Variants in CDCA7L observed in about 807,000 individuals in gnomAD.
CDCA7L encodes cell division cycle associated 7 like.
A neutral mutation model predicts 57.4 loss-of-function variants in CDCA7L; 44 were observed. The observed-to-expected ratio is 0.77, with a 90% CI of 0.60 to 0.98. CDCA7L has a LOEUF of 0.98. Ranked by LOEUF, CDCA7L falls within the 50% of genes least tolerant of loss-of-function variation. The pLI is 0.00. For synonymous variants in CDCA7L, 236 were observed against 202.8 expected, an observed-to-expected ratio of 1.16 and a Z score of -1.39; for missense variants, 644 against 580.6, an observed-to-expected ratio of 1.11 and a Z score of -1.12.
rs148205645 is a variant in CDCA7L at position 21,908,346 on chromosome 7, G to T, written c.465C>A (p.Asn155Lys). 6.2e-6 allele frequency: 10 copies of T among 1,608,896 alleles called. No individual in the cohort carries two copies. Among genetic ancestry groups the T allele is most frequent in the African/African-American group, 5.4e-5 (4 of 74,108 alleles). The stretch of plus-strand genomic sequence containing the variant: ...CGGAAGAACTGTTTTTATCTGGTTT[G>T]TTGGCCAGCTTCTTGGTGGGGAACT... ...AFQFPTKKLA[N>K]KPDKNSSSEQ... The change falls in exon 4 of 10, where the codon AAC (asparagine) becomes AAA (lysine). Residue 155 changes from asparagine (N) to lysine (K), a missense_variant. Physicochemically the swap from Asn to Lys is moderately conservative, Grantham distance 94. Transcript: ENST00000406877.
rs1784830335 is a variant in CDCA7L, at chr7:21,901,337, A to ATTCTAACTTTT, written c.*974_*984dup. On this transcript the variant is annotated 3_prime_UTR_variant, in exon 10 of 10. Transcript: ENST00000406877. ...TTGCTGCACTGTTCCCATGCACATT[A>ATTCTAACTTTT]TTCTAACTTTTTAGTAACTCACACG... 2.1e-6 allele frequency: 3 copies of ATTCTAACTTTT among 1,411,182 alleles called. No homozygotes were observed. Among genetic ancestry groups the ATTCTAACTTTT allele is most frequent in the African/African-American group, 1.5e-5 (1 of 68,540 alleles). 87.4% of individuals were successfully genotyped at this position (1,411,182 alleles called of 1,614,324 possible).
chr7:21,941,711 C>T (rs1282245317), intron 1 of CDCA7L, among the ~76,000 whole-genome samples: 1 of 152,208 alleles, frequency 6.6e-6, no homozygotes, highest in Non-Finnish European at 1.5e-5. Flanking sequence ...ATTCCAGCAG[C>T]AAGGGCCAAT....
At chr7:21,916,514 TAAAAAAAAAAA>T (rs71557529) in intron 2 of CDCA7L, among the ~76,000 whole-genome samples, 2 of 105,150 alleles carry the variant, frequency 1.9e-5, no homozygotes, top group Admixed American at 2.0e-4. Context: ...TCCCTTTATT[TAAAAAAAAAAA>T]AAAAAAAAAA....
intron 1 of CDCA7L, among the ~76,000 whole-genome samples, chr7:21,939,544 C>T (rs1352055642): frequency 6.6e-6 from 1 of 152,156 alleles, no homozygotes; most frequent in African/African-American, 2.4e-5. Context: ...GAAGTAATTT[C>T]CTCCTCCAGG....
intron 1 of CDCA7L, among the ~76,000 whole-genome samples, chr7:21,937,097 C>A (rs75210955): frequency 0.028 from 4,296 of 151,898 alleles, 197 homozygotes; most frequent in African/African-American, 0.097. Context: ...ACCAAAAAGG[C>A]GAAAAAAGCC....
chr7:21,906,647 T>C lies in CDCA7L; in HGVS notation c.682-8A>G. 1 of 1,613,628 alleles carries C rather than the reference T, an allele frequency of 6.2e-7. No homozygotes were observed. The highest frequency in any genetic ancestry group is 8.5e-7 in the Non-Finnish European group (1 of 1,179,990). On this transcript the variant is annotated splice_region_variant and splice_polypyrimidine_tract_variant and intron_variant, in intron 4 of 9. Coordinates refer to ENST00000406877, the MANE Select transcript of CDCA7L (RefSeq NM_018719.5). ...CGCCAATAACTGGGCAAGCTGAAGTTCAGAACAAAAGAAAGAATCTTACAA... is the reference window on the plus strand; with the variant it reads ...CGCCAATAACTGGGCAAGCTGAAGTCCAGAACAAAAGAAAGAATCTTACAA...
chr7:21,940,725 G>A lies in CDCA7L; in HGVS notation c.24+5056C>T, dbSNP rs1393675421. ...CACAGGTGGAAGCATGAATGTGGGC[G>A]CTGTGGATGGGGTGTCCCTGCCTTC... is the stretch of plus-strand genomic sequence containing the variant. On this transcript the variant is annotated intron_variant, in intron 1 of 9. Transcript: ENST00000406877. Among the ~76,000 whole-genome samples the A allele has an allele frequency of 2.0e-5, 3 of 152,212 alleles. No homozygotes were observed. The South Asian group carries it at 6.2e-4, about 31-fold the overall frequency.
intron 7 of CDCA7L, 28 bp downstream of exon 7, chr7:21,905,478 T>C: frequency 6.2e-7 from 1 of 1,609,854 alleles, no homozygotes; most frequent in East Asian, 2.2e-5. Context: ...CGACTCCCAA[T>C]AAGAATGACA....
intron 2 of CDCA7L, among the ~76,000 whole-genome samples, chr7:21,913,623 T>A (rs565863550): frequency 2.9e-4 from 44 of 152,340 alleles, no homozygotes; most frequent in African/African-American, 1.1e-3. Flanking sequence ...CCCTGCAGGC[T>A]AATTTAGAGT....
At chr7:21,915,364 A>T (rs1468332078) in intron 2 of CDCA7L, among the ~76,000 whole-genome samples, 1 of 152,186 alleles carries the variant, frequency 6.6e-6, no homozygotes, top group East Asian at 1.9e-4. Flanking sequence ...GGGGCTGGAG[A>T]GAGAAGACAA....
At chr7:21,902,455 C>T (rs1784945025) in intron 9 of CDCA7L, 103 bp from the exon 10 acceptor site, 1 of 1,115,936 alleles carries the variant, frequency 9.0e-7, no homozygotes, top group Non-Finnish European at 1.4e-6. Flanking sequence ...AAGCCAGAAC[C>T]CAGATCTCCT....
Position 21,901,393 on chromosome 7 carries a change from T to G in CDCA7L, c.*929A>C. On this transcript the variant is annotated 3_prime_UTR_variant, in exon 10 of 10. Transcript: ENST00000406877. ...TCTTTTTTCAACGCTATCCTTAGAG[T>G]GAAAGTCAGAAAAAAATACTAGAAA... 1 of 1,233,378 alleles carries G rather than the reference T, an allele frequency of 8.1e-7. No individual in the cohort carries two copies. The highest frequency in any genetic ancestry group is 1.0e-6 in the Non-Finnish European group (1 of 954,294). The allele number at this position is 1,233,378 out of a possible 1,614,324, so 76.4% of individuals were successfully genotyped here.
Position 21,902,262 on chromosome 7 carries a change from G to GAAATCTTTCTTA in CDCA7L, c.*59_*60insTAAGAAAGATTT. The GAAATCTTTCTTA allele has an allele frequency of 4.1e-6, 6 of 1,474,998 alleles. No individual in the cohort carries two copies. Among genetic ancestry groups the GAAATCTTTCTTA allele is most frequent in the Non-Finnish European group, 5.7e-6 (6 of 1,054,046 alleles). 91.4% of individuals were successfully genotyped at this position (1,474,998 alleles called of 1,614,324 possible). A position where few individuals can be genotyped will look rare whatever the true frequency, so the allele number is the denominator to read the frequency against. On this transcript the variant is annotated 3_prime_UTR_variant, in exon 10 of 10. Coordinates refer to ENST00000406877, the MANE Select transcript of CDCA7L (RefSeq NM_018719.5). The stretch of plus-strand genomic sequence containing the variant: ...AAAAAAATCTTTCTTAGGCACCAAT[G>GAAATCTTTCTTA]GTATGCATGTCTTGTTGGAGTACTC...
chr7:21,935,935 G>A (rs564768157), intron 1 of CDCA7L, among the ~76,000 whole-genome samples: 9 of 152,244 alleles, frequency 5.9e-5, no homozygotes, highest in Admixed American at 1.3e-4. Flanking sequence ...TTGAACCCAG[G>A]AGGCGGAGGT....
Position 21,901,442 on chromosome 7 carries a change from G to T in CDCA7L, c.*880C>A. 1 of 746,110 alleles carries T rather than the reference G, an allele frequency of 1.3e-6. No homozygotes were observed. Among genetic ancestry groups the T allele is most frequent in the Non-Finnish European group, 1.9e-6 (1 of 533,524 alleles). 46.2% of individuals were successfully genotyped at this position (746,110 alleles called of 1,614,324 possible). A position where few individuals can be genotyped will look rare whatever the true frequency, so the allele number is the denominator to read the frequency against. On this transcript the variant is annotated 3_prime_UTR_variant, in exon 10 of 10. Transcript: ENST00000406877. ...AACTAACTCAGGGCTGAGCGTGGTG[G>T]CACACGACTGTAATCCCAGTTACTC...
intron 9 of CDCA7L, 109 bp from the exon 10 acceptor site, chr7:21,902,461 C>A (rs1311888430): frequency 3.9e-6 from 4 of 1,022,344 alleles, no homozygotes; most frequent in African/African-American, 1.6e-5. Flanking sequence ...GAACCCAGAT[C>A]TCCTGACACT....
At position 21,905,601 on chromosome 7, in the gene CDCA7L, G is replaced by A. The variant is rs368758057; in HGVS notation, c.952C>T (p.Arg318Cys). The change falls in exon 7 of 10, where the codon CGT becomes TGT. Residue 318 changes from arginine to cysteine, a missense_variant. Physicochemically the swap from Arg to Cys is radical, Grantham distance 180 (BLOSUM62 -3). Coordinates refer to ENST00000406877, the MANE Select transcript of CDCA7L (RefSeq NM_018719.5). ...GKCREYRRRH[R>C]ISSFRPVEDI... is the part of the protein sequence containing the mutation. Reference sequence around the variant, plus strand: ...TCCACTGGCCGAAAAGAAGATATACGGTGACGTCGTCTGTACTCCCGGCAT... The same window carrying A: ...TCCACTGGCCGAAAAGAAGATATACAGTGACGTCGTCTGTACTCCCGGCAT... 9.2e-5 allele frequency: 149 copies of A among 1,613,730 alleles called. No homozygotes were observed. The highest frequency in any genetic ancestry group is 1.6e-4 in the Middle Eastern group (1 of 6,084).
At chr7:21,925,636 T>TC (rs931405650) in intron 1 of CDCA7L, among the ~76,000 whole-genome samples, 3 of 152,178 alleles carry the variant, frequency 2.0e-5, no homozygotes, top group Non-Finnish European at 2.9e-5. Context: ...ATGCCTGCAA[T>TC]CCCAGTGCTG....
At chr7:21,938,484 G>C (rs1786242082) in intron 1 of CDCA7L, among the ~76,000 whole-genome samples, 1 of 152,098 alleles carries the variant, frequency 6.6e-6, no homozygotes, top group Non-Finnish European at 1.5e-5. Flanking sequence ...GTGCCAAACA[G>C]TATAGTGGTT....
Sources: allele counts gnomAD v4.1 joint callset (sites outside exome capture counted in the v4.1 genomes callset), GRCh38; gene constraint gnomAD v4.1.1; transcripts MANE v1.5; gene names NCBI Gene and HGNC (gene_info 2026-07-23, HGNC 2026-07-21).